Variants in SOAT1 observed in about 807,000 individuals in gnomAD.
The protein encoded by SOAT1 is acyl-coenzyme A:cholesterol acyltransferase 1.
SOAT1 carries 55 observed loss-of-function variants against 69.5 expected under a neutral mutation model. That is an observed-to-expected ratio of 0.79 (90% CI 0.64 to 0.99). SOAT1 has a LOEUF of 0.99. SOAT1 is among the 50% of genes least tolerant of loss of function. The pLI is 0.00. For missense variants in SOAT1, 580 were observed against 669.3 expected (o/e 0.87, Z 1.47); for synonymous variants, 231 against 224.7 (o/e 1.03, Z -0.25).
In SOAT1 at chr1:179,335,546, TTGA is replaced by T. The variant is rs756320823; in HGVS notation, c.223_225del (p.Asp75del). On this transcript the variant is annotated inframe_deletion, in exon 4 of 16. Coordinates refer to ENST00000367619, the MANE Select transcript of SOAT1 (RefSeq NM_003101.6). ...TTTATGAAGGAAGTTGGCAGTCACT[TTGA>T]TGATTTTGTGACCAATCTCATTGAA... The T allele has an allele frequency of 5.3e-5, 86 of 1,612,508 alleles. No homozygotes were observed. Among genetic ancestry groups the T allele is most frequent in the Admixed American group, 4.2e-4 (25 of 59,836 alleles).
At chr1:179,315,949 T>C (rs186345932) in intron 2 of SOAT1, among the ~76,000 whole-genome samples, 2 of 152,364 alleles carry the variant, frequency 1.3e-5, no homozygotes, top group African/African-American at 4.8e-5. Context: ...TAAAAATATA[T>C]TCTTTAACTT....
At chr1:179,349,877 A>T (rs1666663194) in intron 13 of SOAT1, among the ~76,000 whole-genome samples, 1 of 152,200 alleles carries the variant, frequency 6.6e-6, no homozygotes, top group Non-Finnish European at 1.5e-5. Context: ...TCTGTCATTC[A>T]AGTGTAGTTT....
intron 2 of SOAT1, among the ~76,000 whole-genome samples, chr1:179,313,042 G>A (rs1194978336): frequency 6.6e-6 from 1 of 152,122 alleles, no homozygotes; most frequent in African/African-American, 2.4e-5. Context: ...TCCTTATTTG[G>A]GAAGCAACCG....
At chr1:179,345,645 G>A (rs1571454208) in intron 11 of SOAT1, among the ~76,000 whole-genome samples, 1 of 151,298 alleles carries the variant, frequency 6.6e-6, no homozygotes, top group African/African-American at 2.4e-5. Flanking sequence ...TACTAGCCTC[G>A]ACCTCTGGGG....
intron 2 of SOAT1, among the ~76,000 whole-genome samples, chr1:179,318,690 A>G (rs1023489330): frequency 6.6e-6 from 1 of 152,174 alleles, no homozygotes; most frequent in Non-Finnish European, 1.5e-5. Flanking sequence ...TATTCTGGAC[A>G]TTGTCATGTA....
At chr1:179,312,399 C>A (rs965512597) in intron 2 of SOAT1, among the ~76,000 whole-genome samples, 1 of 152,102 alleles carries the variant, frequency 6.6e-6, no homozygotes. Context: ...ACTGGAAAAC[C>A]AAAATGATGA....
At chr1:179,316,150 G>A (rs925640774) in intron 2 of SOAT1, among the ~76,000 whole-genome samples, 6 of 151,968 alleles carry the variant, frequency 3.9e-5, no homozygotes, top group Non-Finnish European at 8.8e-5. Flanking sequence ...GTATTTTCCT[G>A]CATAAAATTC....
At chr1:179,300,051 G>A (rs1266884133) in intron 1 of SOAT1, among the ~76,000 whole-genome samples, 8 of 150,916 alleles carry the variant, frequency 5.3e-5, no homozygotes, top group African/African-American at 1.7e-4. Context: ...ATGAGCCACC[G>A]CACCCGGCTT....
chr1:179,302,959 T>TG (rs34107630), intron 2 of SOAT1, among the ~76,000 whole-genome samples, 157 bp downstream of exon 2: 8,340 of 152,268 alleles, frequency 0.055, 299 homozygotes, highest in Non-Finnish European at 0.081. Flanking sequence ...AATAAGTCCT[T>TG]TCTCGTTAAT....
At chr1:179,353,276 C>T (rs1014836239) in intron 15 of SOAT1, among the ~76,000 whole-genome samples, 4 of 94,892 alleles carry the variant, frequency 4.2e-5, no homozygotes. Context: ...AAAAGTAGGG[C>T]TGTGCTAAAA....
chr1:179,310,030 G>C (rs545492642), intron 2 of SOAT1, among the ~76,000 whole-genome samples: 1 of 152,160 alleles, frequency 6.6e-6, no homozygotes, highest in Admixed American at 6.6e-5. Flanking sequence ...CTCCTGAGTA[G>C]CTGGGATTAC....
In SOAT1 at chr1:179,342,147, A is replaced by C; in HGVS notation, c.814A>C (p.Arg272=). The C allele has an allele frequency of 6.2e-7, 1 of 1,613,620 alleles. No individual in the cohort carries two copies. The change falls in exon 8 of 16, where the codon AGA becomes CGA. Residue 272 remains arginine, a synonymous_variant. Coordinates refer to ENST00000367619, the MANE Select transcript of SOAT1 (RefSeq NM_003101.6). ...RFVMKAHSFV[R]ENVPRVLNSA... Reference sequence around the variant, plus strand: ...TGTAATGAAGGCCCACTCATTTGTCAGAGAGAACGTGCCTCGGGTACTAAA... The same window carrying C: ...TGTAATGAAGGCCCACTCATTTGTCCGAGAGAACGTGCCTCGGGTACTAAA...
chr1:179,316,562 A>G (rs954213726), intron 2 of SOAT1, among the ~76,000 whole-genome samples: 3 of 151,772 alleles, frequency 2.0e-5, no homozygotes, highest in African/African-American at 7.3e-5. Context: ...ACGCCAGCTA[A>G]TTTTGTATTT....
intron 1 of SOAT1, among the ~76,000 whole-genome samples, chr1:179,300,003 T>C (rs1454139839): frequency 2.6e-5 from 4 of 151,594 alleles, no homozygotes; most frequent in Non-Finnish European, 4.4e-5. Flanking sequence ...CTTCATGATC[T>C]GCCCACCTCA....
chr1:179,344,230 A>G (rs1235675782), intron 10 of SOAT1, among the ~76,000 whole-genome samples: 1 of 151,946 alleles, frequency 6.6e-6, no homozygotes, highest in East Asian at 1.9e-4. Context: ...GTATGTGGGT[A>G]TAGTCTGACT....
intron 1 of SOAT1, among the ~76,000 whole-genome samples, chr1:179,300,026 G>C (rs539020151): frequency 1.8e-4 from 27 of 151,190 alleles, no homozygotes; most frequent in Non-Finnish European, 3.5e-4. Flanking sequence ...CTCCCAAAGT[G>C]CTGGGATTAC....
At chr1:179,332,691 C>T (rs989678882) in intron 3 of SOAT1, among the ~76,000 whole-genome samples, 1 of 152,058 alleles carries the variant, frequency 6.6e-6, no homozygotes, top group Non-Finnish European at 1.5e-5. Flanking sequence ...ATAACCTCAA[C>T]ATTATTTTCA....
Position 179,323,454 on chromosome 1 carries a change from C to T in SOAT1, c.136C>T (p.Gln46Ter). The change falls in exon 3 of 16, where the codon CAG becomes TAG. Residue 46 changes from glutamine to a stop codon, truncating the protein, a stop_gained. Coordinates refer to ENST00000367619, the MANE Select transcript of SOAT1 (RefSeq NM_003101.6). LOFTEE classifies it high-confidence loss of function. ...TCCCGTAGGTCGAATTGACATAAAA[C>T]AGTTGATAGCAAAGAAGATAAAGTT... ...TPSNGRIDIK[Q>*]LIAKKIKLTA... The T allele has an allele frequency of 6.2e-7, 1 of 1,613,686 alleles. No individual in the cohort carries two copies. The highest frequency in any genetic ancestry group is 8.5e-7 in the Non-Finnish European group (1 of 1,179,816).
chr1:179,342,048 C>T, intron 7 of SOAT1, 66 bp from the exon 8 acceptor site: 13 of 1,602,306 alleles, frequency 8.1e-6, no homozygotes, highest in Non-Finnish European at 1.1e-5. Context: ...ATGCATTTGA[C>T]TAATGGAAAG....
Sources: allele counts gnomAD v4.1 joint callset (sites outside exome capture counted in the v4.1 genomes callset), GRCh38; gene constraint gnomAD v4.1.1; transcripts MANE v1.5; gene names NCBI Gene and HGNC (gene_info 2026-07-23, HGNC 2026-07-21).